Variants in LRRC7 observed in about 807,000 individuals in gnomAD.
The protein encoded by LRRC7 is leucine-rich repeat-containing protein 7.
LRRC7 carries 23 observed loss-of-function variants against 175.7 expected under a neutral mutation model. That is an observed-to-expected ratio of 0.13 (90% confidence interval 0.09 to 0.19). The LOEUF (loss-of-function observed/expected upper bound fraction) is 0.19. Ranked by LOEUF, LRRC7 falls within the 10% of genes least tolerant of loss-of-function variation. The probability of loss-of-function intolerance (pLI) is 1.00; values close to 1 mark genes in which losing one functional copy is unlikely to be tolerated. For synonymous variants in LRRC7, 685 were observed against 680.9 expected, an observed-to-expected ratio of 1.01 and a Z score of -0.09; for missense variants, 1,354 against 1,904.7, an observed-to-expected ratio of 0.71 and a Z score of 5.38.
Position 69,841,319 on chromosome 1 carries a change from C to T in LRRC7, c.647+3036C>T, listed in dbSNP as rs144523073. 9.0e-4 allele frequency among the ~76,000 whole-genome samples: 137 copies of T among 152,092 alleles called. 1 individual carries two copies. The highest frequency in any genetic ancestry group is 2.1e-3 in the South Asian group (10 of 4,822). ...CATCTAAGACAGAAGCCTTGGTCTT[C>T]TTATAATCTAAACTCAGAAGTGATG... On this transcript the variant is annotated intron_variant, in intron 7 of 26. Coordinates refer to ENST00000651989, the MANE Select transcript of LRRC7 (RefSeq NM_001370785.2).
chr1:69,986,027 T>G (rs1653908045), intron 9 of LRRC7, among the ~76,000 whole-genome samples: 1 of 152,218 alleles, frequency 6.6e-6, no homozygotes, highest in African/African-American at 2.4e-5. Flanking sequence ...GTTGAGTCAT[T>G]TTGAGAAACT....
chr1:69,903,667 T>C (rs1646206736), intron 7 of LRRC7, among the ~76,000 whole-genome samples: 1 of 151,970 alleles, frequency 6.6e-6, no homozygotes, highest in African/African-American at 2.4e-5. Flanking sequence ...AAGAGCAGAA[T>C]TGAAGGAGAT....
In LRRC7 at chr1:70,142,034, CTTAT is replaced by C. The variant is rs942176665; in HGVS notation, c.*20151_*20154del. On this transcript the variant is annotated 3_prime_UTR_variant, in exon 27 of 27. Coordinates refer to ENST00000651989, the MANE Select transcript of LRRC7 (RefSeq NM_001370785.2). ...CCCAACCCTCTACTAAAGAATATTT[CTTAT>C]TTAGTCAGGAAATCTTATGTAATAT... The C allele has an allele frequency of 3.9e-5, 6 of 152,132 alleles. No individual in the cohort carries two copies. The highest frequency in any genetic ancestry group is 4.1e-4 in the South Asian group (2 of 4,824). The allele number at this position is 152,132 out of a possible 1,614,324, so 9.4% of individuals were successfully genotyped here.
intron 7 of LRRC7, among the ~76,000 whole-genome samples, chr1:69,927,561 T>C (rs1423687263): frequency 1.3e-5 from 2 of 152,234 alleles, no homozygotes; most frequent in African/African-American, 4.8e-5. Context: ...ATTCATTTCA[T>C]CTTCCATCAC....
At chr1:69,695,908 C>G (rs1306390935) in intron 2 of LRRC7, among the ~76,000 whole-genome samples, 1 of 152,326 alleles carries the variant, frequency 6.6e-6, no homozygotes, top group African/African-American at 2.4e-5. Context: ...TGTGGGAAAT[C>G]CTGGGTGCCC....
At chr1:69,866,353 T>G (rs1447362078) in intron 7 of LRRC7, among the ~76,000 whole-genome samples, 4 of 152,180 alleles carry the variant, frequency 2.6e-5, no homozygotes, top group African/African-American at 7.2e-5. Context: ...GACTAGGGTC[T>G]GCAAGTGGAG....
chr1:69,888,780 G>C (rs894659964), intron 7 of LRRC7, among the ~76,000 whole-genome samples: 1 of 152,116 alleles, frequency 6.6e-6, no homozygotes, highest in African/African-American at 2.4e-5. Flanking sequence ...TTGGGGGTAG[G>C]GAAGATGGGG....
At chr1:69,929,226 G>A (rs1215124048) in intron 7 of LRRC7, among the ~76,000 whole-genome samples, 1 of 152,192 alleles carries the variant, frequency 6.6e-6, no homozygotes, top group African/African-American at 2.4e-5. Flanking sequence ...GAGCTGGTAA[G>A]CCATCTCTAT....
At chr1:69,808,876 T>C (rs951880281) in intron 4 of LRRC7, among the ~76,000 whole-genome samples, 6 of 151,686 alleles carry the variant, frequency 4.0e-5, no homozygotes, top group Non-Finnish European at 8.8e-5. Context: ...AGCAAGCAAA[T>C]TCAAAAGCTA....
intron 2 of LRRC7, among the ~76,000 whole-genome samples, chr1:69,723,128 C>T (rs1337508693): frequency 2.0e-5 from 3 of 151,950 alleles, no homozygotes; most frequent in Admixed American, 6.6e-5. Flanking sequence ...TTAATTCTCT[C>T]GAAGCAGTTA....
chr1:69,626,248 T>C (rs1226251730), intron 1 of LRRC7, among the ~76,000 whole-genome samples: 3 of 152,162 alleles, frequency 2.0e-5, no homozygotes, highest in African/African-American at 7.2e-5. Context: ...TGTCAGAATC[T>C]ATGGTATGTT....
At chr1:69,577,868 T>A (rs1384457726) in intron 1 of LRRC7, among the ~76,000 whole-genome samples, 1 of 152,186 alleles carries the variant, frequency 6.6e-6, no homozygotes, top group Non-Finnish European at 1.5e-5. Context: ...TGCGGGCTCT[T>A]TTTTGGTTCC....
chr1:69,785,081 C>T (rs913593330), intron 3 of LRRC7, among the ~76,000 whole-genome samples: 2 of 152,006 alleles, frequency 1.3e-5, no homozygotes, highest in Admixed American at 6.6e-5. Flanking sequence ...TAATTGTAGC[C>T]ATTAGTTCTT....
In LRRC7 at chr1:69,568,069, C is replaced by T. The variant is rs1042411098; in HGVS notation, c.-571C>T. Among the ~76,000 whole-genome samples, 3 of 152,174 alleles carry T rather than the reference C, an allele frequency of 2.0e-5. No individual in the cohort carries two copies. Among genetic ancestry groups the T allele is most frequent in the African/African-American group, 7.2e-5 (3 of 41,450 alleles). On this transcript the variant is annotated 5_prime_UTR_variant, in exon 1 of 27. Coordinates refer to ENST00000651989, the MANE Select transcript of LRRC7 (RefSeq NM_001370785.2). ...CAGCCGCCCACTCGGGCCACCGCCA[C>T]CGCCTCCTGCAGTTGCGGAGCGCTC...
chr1:69,907,473 G>T (rs1467138608), intron 7 of LRRC7, among the ~76,000 whole-genome samples: 2 of 152,012 alleles, frequency 1.3e-5, no homozygotes, highest in African/African-American at 4.8e-5. Context: ...AGCATGAAGG[G>T]TTGTTGAATT....
At position 70,134,321 on chromosome 1, in the gene LRRC7, T is replaced by G. The variant is rs1666784628; in HGVS notation, c.*12434T>G. On this transcript the variant is annotated 3_prime_UTR_variant, in exon 27 of 27. Transcript: ENST00000651989. Reference sequence around the variant, plus strand: ...GGTGACATGTGTCCTCAAGCTATTTTGGTTCTTCTTAGTCATTTGAAATTC... The same window carrying G: ...GGTGACATGTGTCCTCAAGCTATTTGGGTTCTTCTTAGTCATTTGAAATTC... Among the ~76,000 whole-genome samples, 1 of 152,324 alleles carries G rather than the reference T, an allele frequency of 6.6e-6. No individual in the cohort carries two copies. The highest frequency in any genetic ancestry group is 3.4e-3 in the Middle Eastern group (1 of 294).
chr1:69,977,260 C>T (rs533061643), intron 8 of LRRC7, among the ~76,000 whole-genome samples: 15 of 151,898 alleles, frequency 9.9e-5, no homozygotes, highest in South Asian at 4.2e-4. Flanking sequence ...TTTCTTTTTT[C>T]GAATAGGATA....
In LRRC7 at chr1:69,919,357, A is replaced by G. The variant is rs1372526507; in HGVS notation, c.648-12150A>G. On this transcript the variant is annotated intron_variant, in intron 7 of 26. Transcript: ENST00000651989. ...AAAAACAAGAGCGTGAGGAGGAAAG[A>G]TGGCGGACGAGGAGAAACTGCCGCC... is the stretch of plus-strand genomic sequence containing the variant. 4.9e-6 allele frequency: 3 copies of G among 608,638 alleles called. No homozygotes were observed. In the Admixed American group the frequency reaches 8.3e-5, roughly 17 times the overall value. The allele number at this position is 608,638 out of a possible 1,614,324, so 37.7% of individuals were successfully genotyped here.
chr1:69,725,802 C>T (rs781019773), intron 2 of LRRC7, among the ~76,000 whole-genome samples: 6 of 152,208 alleles, frequency 3.9e-5, no homozygotes, highest in Non-Finnish European at 7.3e-5. Context: ...CTGTCCAGAC[C>T]TGTGCTGCTC....
Sources: allele counts gnomAD v4.1 joint callset (sites outside exome capture counted in the v4.1 genomes callset), GRCh38; gene constraint gnomAD v4.1.1; transcripts MANE v1.5; gene names NCBI Gene and HGNC (gene_info 2026-07-23, HGNC 2026-07-21).